The following R3HDM2 variants were observed in gnomAD, a reference collection of about 807,000 sequenced individuals.
R3HDM2 encodes the protein R3H domain containing 2.
In R3HDM2, 38 loss-of-function variants were observed where a neutral mutation model predicts 124.5. The observed-to-expected ratio is 0.31, with a 90% CI of 0.24 to 0.40. The LOEUF (loss-of-function observed/expected upper bound fraction) is 0.40, where lower values mean the gene tolerates loss of function less well. Ranked by LOEUF, R3HDM2 falls within the 10% of genes least tolerant of loss-of-function variation. The pLI is 1.00. For missense variants in R3HDM2, 869 were observed against 1,236.9 expected, an observed-to-expected ratio of 0.70 and a Z score of 4.46; for synonymous variants, 391 against 448.0, an observed-to-expected ratio of 0.87 and a Z score of 1.61.
At chr12:57,416,811 CG>C in intron 1 of R3HDM2, among the ~76,000 whole-genome samples, 2 of 144,792 alleles carry the variant, frequency 1.4e-5, no homozygotes, top group Middle Eastern at 8.5e-3. Flanking sequence ...CTGTCCCCCC[CG>C]CCCCACAAAA....
At chr12:57,320,603 G>A (rs920754619) in intron 2 of R3HDM2, among the ~76,000 whole-genome samples, 1 of 152,156 alleles carries the variant, frequency 6.6e-6, no homozygotes, top group Non-Finnish European at 1.5e-5. Flanking sequence ...GGGACTGTGA[G>A]ATGTCGGGGG....
intron 4 of R3HDM2, among the ~76,000 whole-genome samples, chr12:57,300,896 G>A (rs1253011386): frequency 6.6e-6 from 1 of 152,038 alleles, no homozygotes; most frequent in Non-Finnish European, 1.5e-5. Flanking sequence ...TTGAGGCCAG[G>A]AGGTCACAGT....
intron 19 of R3HDM2, among the ~76,000 whole-genome samples, 171 bp downstream of exon 19, chr12:57,266,560 C>T (rs1456118756): frequency 6.6e-6 from 1 of 152,214 alleles, no homozygotes; most frequent in East Asian, 1.9e-4. Flanking sequence ...AGGTCAGCTT[C>T]AGTACCCTTG....
rs977609070 is a variant in R3HDM2 at position 57,303,081 on chromosome 12, T to C, written c.207+95A>G. 4.2e-5 allele frequency: 51 copies of C among 1,212,800 alleles called. No homozygotes were observed. In the African/African-American group the frequency reaches 6.7e-4, roughly 16 times the overall value. 75.1% of individuals were successfully genotyped at this position (1,212,800 alleles called of 1,614,324 possible). On this transcript the variant is annotated intron_variant, in intron 4 of 23. Transcript: ENST00000402412. ...AGAGTACAGGCAAGAAAACTCTGCCTACATAATTTGAACAAACTAGATATT... is the reference window on the plus strand; with the variant it reads ...AGAGTACAGGCAAGAAAACTCTGCCCACATAATTTGAACAAACTAGATATT...
intron 2 of R3HDM2, among the ~76,000 whole-genome samples, chr12:57,330,689 CTTTT>C (rs146179766): frequency 0.067 from 7,889 of 117,018 alleles, 328 homozygotes; most frequent in East Asian, 0.23. Flanking sequence ...ATCTTTAGGG[CTTTT>C]CTTTTTTTTT....
intron 2 of R3HDM2, among the ~76,000 whole-genome samples, chr12:57,378,679 T>C (rs1335890813): frequency 6.6e-6 from 1 of 152,206 alleles, no homozygotes; most frequent in Non-Finnish European, 1.5e-5. Flanking sequence ...AGCCTATTTT[T>C]CATTCTTCTC....
chr12:57,381,536 C>A (rs2064873917), intron 2 of R3HDM2, among the ~76,000 whole-genome samples: 1 of 84,428 alleles, frequency 1.2e-5, no homozygotes. Flanking sequence ...CAGAACAAGA[C>A]TCCATCTCAA....
chr12:57,296,927 G>A lies in R3HDM2; in HGVS notation c.561-376C>T, dbSNP rs2050019683. On this transcript the variant is annotated intron_variant, in intron 8 of 23. Coordinates refer to ENST00000402412, the MANE Select transcript of R3HDM2 (RefSeq NM_001394031.1). The surrounding 1 kb of genome is among the most constrained non-coding windows in gnomAD (Gnocchi z 4.5). ...AAAAATACAAAAATTAGCTAGGCAT[G>A]TGCCTGTCATCCCAGCTACTCAATG... 4.6e-6 allele frequency: 1 copy of A among 219,756 alleles called. No individual in the cohort carries two copies. Among genetic ancestry groups the A allele is most frequent in the Non-Finnish European group, 9.0e-6 (1 of 110,818 alleles). 13.6% of individuals were successfully genotyped at this position (219,756 alleles called of 1,614,324 possible).
chr12:57,300,279 G>T, intron 4 of R3HDM2, 98 bp from the exon 5 acceptor site: 1 of 1,044,424 alleles, frequency 9.6e-7, no homozygotes, highest in Non-Finnish European at 1.4e-6. Context: ...AATGAAAAGT[G>T]TCCTCTTTGG....
intron 2 of R3HDM2, among the ~76,000 whole-genome samples, chr12:57,330,496 ACCACGC>A (rs1478727525): frequency 6.7e-6 from 1 of 149,514 alleles, no homozygotes; most frequent in African/African-American, 2.5e-5. Context: ...GGCACGCACC[ACCACGC>A]CCAGCTAATT....
intron 2 of R3HDM2, among the ~76,000 whole-genome samples, chr12:57,331,151 A>G (rs962724601): frequency 1.3e-5 from 2 of 151,984 alleles, no homozygotes; most frequent in Admixed American, 1.3e-4. Context: ...CATCCCTCTA[A>G]TTGGTCTCTT....
intron 23 of R3HDM2, 121 bp downstream of exon 23, chr12:57,255,869 C>T (rs745917708): frequency 1.2e-5 from 9 of 775,010 alleles, no homozygotes; most frequent in Admixed American, 5.3e-5. Context: ...TGCTTTTGAG[C>T]ACAAAGGGTC....
chr12:57,430,489 G>GGCCCCCCCCCC, intron 1 of R3HDM2: 1 of 790,568 alleles, frequency 1.3e-6, no homozygotes, highest in Non-Finnish European at 1.5e-6. Flanking sequence ...CCACCCCCCT[G>GGCCCCCCCCCC]CCCCCGCACC....
chr12:57,276,009 A>T (rs1487722364), intron 14 of R3HDM2, among the ~76,000 whole-genome samples: 1 of 152,110 alleles, frequency 6.6e-6, no homozygotes, highest in Non-Finnish European at 1.5e-5. Context: ...TGAGGTCAGA[A>T]GATCGAGACC....
intron 2 of R3HDM2, among the ~76,000 whole-genome samples, chr12:57,321,508 G>A (rs1007658632): frequency 2.0e-5 from 3 of 151,986 alleles, no homozygotes; most frequent in South Asian, 2.1e-4. Context: ...AAAATTAGCC[G>A]GGTGTGGTGG....
Position 57,364,978 on chromosome 12 carries a change from C to T in R3HDM2, c.-36+30771G>A, listed in dbSNP as rs371607875. Among the ~76,000 whole-genome samples the T allele has an allele frequency of 3.2e-3, 455 of 140,008 alleles. 2 individuals carry two copies. Among genetic ancestry groups the T allele is most frequent in the African/African-American group, 0.01 (383 of 37,660 alleles). 91.9% of individuals were successfully genotyped at this position (140,008 alleles called of 152,430 possible). ...AAAAAAAAAAAAAAAAAAAAGGACA[C>T]CAGGCCAGGTGCAGTTGCTCATGCC... On this transcript the variant is annotated intron_variant, in intron 2 of 23. Coordinates refer to ENST00000402412, the MANE Select transcript of R3HDM2 (RefSeq NM_001394031.1).
chr12:57,429,027 T>C (rs2139757573), intron 1 of R3HDM2, among the ~76,000 whole-genome samples: 1 of 152,214 alleles, frequency 6.6e-6, no homozygotes, highest in African/African-American at 2.4e-5. Context: ...GATTACAGCA[T>C]GAGCCACCGT....
intron 4 of R3HDM2, among the ~76,000 whole-genome samples, chr12:57,302,014 CT>C (rs1362962218): frequency 6.6e-6 from 1 of 152,224 alleles, no homozygotes; most frequent in Non-Finnish European, 1.5e-5. Flanking sequence ...AGTGCGGTGG[CT>C]CATGCCTGTA....
In R3HDM2 at chr12:57,321,702, A is replaced by G. The variant is rs1249726173; in HGVS notation, c.-35-11239T>C. On this transcript the variant is annotated intron_variant, in intron 2 of 23. Coordinates refer to ENST00000402412, the MANE Select transcript of R3HDM2 (RefSeq NM_001394031.1). ...AGCATGGATGGATCTCAAAACTACT[A>G]TGATAAATTAAAGAAAGTAGACTCT... Among the ~76,000 whole-genome samples the G allele has an allele frequency of 2.0e-5, 3 of 152,084 alleles. 1 individual carries two copies. The highest frequency in any genetic ancestry group is 2.0e-4 in the Admixed American group (3 of 15,254).
Sources: gnomAD v4.1 joint callset for allele counts (sites outside exome capture counted in the v4.1 genomes callset) on GRCh38, gnomAD v4.1.1 for gene constraint, Gnocchi (gnomAD v3.1) non-coding constraint, MANE v1.5 for transcripts, NCBI Gene and HGNC (gene_info 2026-07-23, HGNC 2026-07-21) for gene names.